ROCK1: variants seen among roughly 807,000 people sequenced by gnomAD.
ROCK1 encodes rho-associated protein kinase 1.
In ROCK1, 36 loss-of-function variants were observed where a neutral mutation model predicts 196.8. The ratio of observed to expected loss-of-function variants is 0.18; its 90% CI spans 0.14 to 0.24. The LOEUF is 0.24. ROCK1 is among the 10% of genes least tolerant of loss of function. ROCK1 has a pLI of 1.00. For missense variants in ROCK1, 920 were observed against 1,562.0 expected (o/e 0.59, Z 6.93); for synonymous variants, 443 against 515.9 (o/e 0.86, Z 1.91).
intron 9 of ROCK1, among the ~76,000 whole-genome samples, chr18:21,030,238 G>A (rs2143481385): frequency 6.6e-6 from 1 of 152,202 alleles, no homozygotes; most frequent in South Asian, 2.1e-4. Flanking sequence ...TATGGTCTTG[G>A]CATACATTTT....
chr18:21,042,020 A>T, intron 8 of ROCK1, 77 bp downstream of exon 8: 1 of 1,295,450 alleles, frequency 7.7e-7, no homozygotes, highest in Non-Finnish European at 1.1e-6. Context: ...GTAGAAGCTC[A>T]GATATGGACC....
chr18:21,076,226 G>A (rs2036429963), intron 1 of ROCK1, among the ~76,000 whole-genome samples: 1 of 152,152 alleles, frequency 6.6e-6, no homozygotes, highest in Admixed American at 6.5e-5. Context: ...TCAGTTAAAT[G>A]GGCTAGGTGG....
chr18:20,960,267 A>G, intron 27 of ROCK1, 61 bp from the exon 28 acceptor site: 1 of 1,019,256 alleles, frequency 9.8e-7, no homozygotes, highest in Admixed American at 1.8e-5. Flanking sequence ...AAAAACTATT[A>G]AAAGTTGTCT....
intron 9 of ROCK1, among the ~76,000 whole-genome samples, chr18:21,034,754 A>G (rs1478074120): frequency 2.0e-5 from 3 of 152,216 alleles, no homozygotes. Flanking sequence ...TTAAATACGA[A>G]GCCAAAGATA....
chr18:20,976,296 A>G (rs1050117235), intron 22 of ROCK1, among the ~76,000 whole-genome samples: 1 of 152,216 alleles, frequency 6.6e-6, no homozygotes, highest in African/African-American at 2.4e-5. Flanking sequence ...CTTCTGGATT[A>G]TAAGATTATA....
intron 11 of ROCK1, among the ~76,000 whole-genome samples, chr18:21,023,369 T>C (rs2035930373): frequency 6.6e-6 from 1 of 152,128 alleles, no homozygotes; most frequent in Non-Finnish European, 1.5e-5. Context: ...ATTCCGAAGA[T>C]TAAAAAAGAT....
chr18:21,110,389 C>T (rs1229906976), intron 1 of ROCK1, among the ~76,000 whole-genome samples: 1 of 152,012 alleles, frequency 6.6e-6, no homozygotes, highest in Admixed American at 6.6e-5. Context: ...AAAACTAAAC[C>T]CCTAGGAGCT....
At chr18:21,069,904 C>G (rs913408218) in intron 2 of ROCK1, among the ~76,000 whole-genome samples, 7 of 151,696 alleles carry the variant, frequency 4.6e-5, no homozygotes, top group African/African-American at 1.7e-4. Flanking sequence ...TTAAAAAATT[C>G]TAATACAAGA....
At chr18:21,032,916 T>C (rs2036022256) in intron 9 of ROCK1, among the ~76,000 whole-genome samples, 1 of 151,916 alleles carries the variant, frequency 6.6e-6, no homozygotes. Context: ...AGAATCAAAA[T>C]AGGGCCATAG....
chr18:20,961,720 G>A (rs1432207923), intron 27 of ROCK1, among the ~76,000 whole-genome samples: 1 of 151,452 alleles, frequency 6.6e-6, no homozygotes, highest in Non-Finnish European at 1.5e-5. Context: ...ACCTTTGCTT[G>A]TGTTATTCCT....
Position 20,953,666 on chromosome 18 carries a change from C to T in ROCK1, c.3973G>A (p.Val1325Ile), listed in dbSNP as rs373328051. 2.5e-6 allele frequency: 4 copies of T among 1,611,784 alleles called. No homozygotes were observed. Among genetic ancestry groups the T allele is most frequent in the Middle Eastern group, 1.6e-4 (1 of 6,074 alleles). The change falls in exon 32 of 33, where the codon GTT becomes ATT. Residue 1325 changes from valine (V) to isoleucine (I), a missense_variant. Physicochemically the swap from Val to Ile is conservative, Grantham distance 29 (BLOSUM62 3). This residue lies in a region of ROCK1 where 49 missense variants were observed against 180.4 expected (regional missense o/e 0.27). Transcript: ENST00000399799. ...KIPKNPPSGF[V>I]RASPRTLSTR... Reference sequence around the variant, plus strand: ...GAAAGCGTTCGAGGGGAAGCACGAACAAAACCAGATGGTGGATTCTTAGGG... The same window carrying T: ...GAAAGCGTTCGAGGGGAAGCACGAATAAAACCAGATGGTGGATTCTTAGGG...
At position 21,023,890 on chromosome 18, in the gene ROCK1, G is replaced by A. The variant is rs377749138; in HGVS notation, c.1212-210C>T. Reference sequence around the variant, plus strand: ...CACCCAGTTAGGTCTAAAAATAGTAGCAGCCTGTAAACATATGACTTAATA... The same window carrying A: ...CACCCAGTTAGGTCTAAAAATAGTAACAGCCTGTAAACATATGACTTAATA... On this transcript the variant is annotated intron_variant, in intron 10 of 32. Transcript: ENST00000399799. Among the ~76,000 whole-genome samples, 4 of 152,160 alleles carry A rather than the reference G, an allele frequency of 2.6e-5. No homozygotes were observed. In the East Asian group the frequency reaches 5.8e-4, roughly 22 times the overall value.
Position 21,032,825 on chromosome 18 carries a change from A to T in ROCK1, c.1052-3890T>A, listed in dbSNP as rs75982332. On this transcript the variant is annotated intron_variant, in intron 9 of 32. Coordinates refer to ENST00000399799, the MANE Select transcript of ROCK1 (RefSeq NM_005406.3). ...GGGTGAGCCACCACACCCGGCCTAC[A>T]GTGACAAATTAGATAACTTAGATGA... Among the ~76,000 whole-genome samples, 357 of 151,902 alleles carry T rather than the reference A, an allele frequency of 2.4e-3. 5 individuals are homozygous for T. The East Asian group carries it at 0.053, about 22-fold the overall frequency.
chr18:20,955,710 C>T (rs2035235365), intron 29 of ROCK1, among the ~76,000 whole-genome samples: 1 of 147,704 alleles, frequency 6.8e-6, no homozygotes, highest in South Asian at 2.2e-4. Flanking sequence ...CTAGAAACAA[C>T]CCAAATAAAT....
Position 21,111,133 on chromosome 18 carries a change from G to A in ROCK1, c.-223C>T. 1 of 573,052 alleles carries A rather than the reference G, an allele frequency of 1.7e-6. No individual in the cohort carries two copies. The highest frequency in any genetic ancestry group is 3.0e-5 in the East Asian group (1 of 33,670). 35.5% of individuals were successfully genotyped at this position (573,052 alleles called of 1,614,324 possible). ...ACCCACAGCCGCTCGGACGCCCAAAGTCGCATCCCACCCGGCAGCCCCTCA... is the reference window on the plus strand; with the variant it reads ...ACCCACAGCCGCTCGGACGCCCAAAATCGCATCCCACCCGGCAGCCCCTCA... On this transcript the variant is annotated 5_prime_UTR_variant, in exon 1 of 33. Transcript: ENST00000399799. The surrounding 1 kb of genome is among the most constrained non-coding windows in gnomAD (Gnocchi z 4.2).
intron 4 of ROCK1, 33 bp from the exon 5 acceptor site, chr18:21,045,500 T>G: frequency 6.8e-7 from 1 of 1,467,710 alleles, no homozygotes; most frequent in Non-Finnish European, 9.1e-7. Flanking sequence ...CAAAACACAT[T>G]CATTAATGTT....
intron 22 of ROCK1, 23 bp downstream of exon 22, chr18:20,979,887 G>C: frequency 2.6e-6 from 4 of 1,517,650 alleles, no homozygotes; most frequent in Non-Finnish European, 3.5e-6. Context: ...ACTGATTCTT[G>C]TTCTAAAGTA....
At chr18:20,978,591 T>C (rs2035501780) in intron 22 of ROCK1, among the ~76,000 whole-genome samples, 1 of 152,236 alleles carries the variant, frequency 6.6e-6, no homozygotes, top group Non-Finnish European at 1.5e-5. Context: ...GCCACCATAT[T>C]GGGCAGAGGA....
At chr18:20,979,887 G>A in intron 22 of ROCK1, 23 bp downstream of exon 22, 1 of 1,517,650 alleles carries the variant, frequency 6.6e-7, no homozygotes, top group South Asian at 1.3e-5. Flanking sequence ...ACTGATTCTT[G>A]TTCTAAAGTA....
Sources: allele counts gnomAD v4.1 joint callset (sites outside exome capture counted in the v4.1 genomes callset), GRCh38; gene constraint gnomAD v4.1.1; regional missense constraint gnomAD v4.1.1; non-coding constraint Gnocchi (gnomAD v3.1); transcripts MANE v1.5; gene names NCBI Gene and HGNC (gene_info 2026-07-23, HGNC 2026-07-21).